The following SEMA3E variants were observed in gnomAD, a reference collection of about 807,000 sequenced individuals.
The protein encoded by SEMA3E is semaphorin 3E, also known as semaphorin-3E.
Under a neutral mutation model 93.6 loss-of-function variants are expected in SEMA3E, and 49 were observed. The ratio of observed to expected loss-of-function variants is 0.52; its 90% CI spans 0.42 to 0.66. The LOEUF is 0.66. Among genes scored for constraint, SEMA3E ranks in the 30% least tolerant of loss-of-function variants. The pLI, the probability that SEMA3E is intolerant of heterozygous loss-of-function variation, is 0.00. For synonymous variants in SEMA3E, 363 were observed against 330.7 expected (o/e 1.10, Z -1.06); for missense variants, 906 against 964.8 (o/e 0.94, Z 0.81).
chr7:83,531,712 A>C (rs1293577651), intron 1 of SEMA3E, among the ~76,000 whole-genome samples: 1 of 152,192 alleles, frequency 6.6e-6, no homozygotes, highest in Non-Finnish European at 1.5e-5. Flanking sequence ...TCATGTTTGC[A>C]TGACATTAAC....
intron 1 of SEMA3E, among the ~76,000 whole-genome samples, chr7:83,623,949 C>T (rs1376005364): frequency 6.6e-6 from 1 of 151,718 alleles, no homozygotes. Flanking sequence ...TGTTCAACTC[C>T]CACTTATGAG....
At chr7:83,531,341 CTT>C (rs144165250) in intron 1 of SEMA3E, among the ~76,000 whole-genome samples, 10 of 68,140 alleles carry the variant, frequency 1.5e-4, no homozygotes, top group East Asian at 9.3e-4. Context: ...TTGGAATATT[CTT>C]TTTTTTTTTT....
intron 4 of SEMA3E, among the ~76,000 whole-genome samples, chr7:83,438,462 A>C (rs1789047056): frequency 6.6e-6 from 1 of 152,146 alleles, no homozygotes; most frequent in African/African-American, 2.4e-5. Context: ...ATCACTTAAT[A>C]AAATACCAAG....
intron 1 of SEMA3E, among the ~76,000 whole-genome samples, chr7:83,597,769 C>A (rs1413805570): frequency 6.6e-6 from 1 of 152,100 alleles, no homozygotes; most frequent in African/African-American, 2.4e-5. Context: ...CAGTCTGGAG[C>A]CAAGTCATTG....
At chr7:83,376,419 G>T (rs1794823742) in intron 16 of SEMA3E, among the ~76,000 whole-genome samples, 1 of 151,832 alleles carries the variant, frequency 6.6e-6, no homozygotes, top group Admixed American at 6.6e-5. Context: ...ATTTTTCATT[G>T]TTTCATTTTT....
At chr7:83,421,059 C>G (rs1355252921) in intron 4 of SEMA3E, among the ~76,000 whole-genome samples, 1 of 142,166 alleles carries the variant, frequency 7.0e-6, no homozygotes, top group Admixed American at 7.0e-5. Context: ...TATTTGCCAG[C>G]TATCATCCAA....
At chr7:83,514,485 A>G (rs1284293378) in intron 1 of SEMA3E, among the ~76,000 whole-genome samples, 2 of 152,172 alleles carry the variant, frequency 1.3e-5, no homozygotes, top group Non-Finnish European at 2.9e-5. Context: ...CATTTTAAAA[A>G]GCTTTCAATA....
At chr7:83,607,538 A>ATAATATAAAAT (rs1793149584) in intron 1 of SEMA3E, among the ~76,000 whole-genome samples, 2 of 152,204 alleles carry the variant, frequency 1.3e-5, no homozygotes, top group Non-Finnish European at 2.9e-5. Flanking sequence ...AATATTTATA[A>ATAATATAAAAT]GATTCTATAC....
intron 1 of SEMA3E, among the ~76,000 whole-genome samples, chr7:83,643,130 T>A (rs959806781): frequency 9.2e-5 from 14 of 152,018 alleles, no homozygotes; most frequent in Admixed American, 9.2e-4. Context: ...GTTTGGTGCT[T>A]TATTATGTGG....
chr7:83,644,494 A>G (rs1378946434), intron 1 of SEMA3E, among the ~76,000 whole-genome samples: 1 of 151,982 alleles, frequency 6.6e-6, no homozygotes, highest in African/African-American at 2.4e-5. Flanking sequence ...AAACATTAAT[A>G]ATATAAATAG....
At chr7:83,517,250 C>G (rs745594157) in intron 1 of SEMA3E, among the ~76,000 whole-genome samples, 13 of 152,126 alleles carry the variant, frequency 8.5e-5, no homozygotes, top group Non-Finnish European at 1.8e-4. Context: ...AGACTTTGCT[C>G]TATGGCCTTT....
rs543064413 is a variant in SEMA3E at position 83,468,923 on chromosome 7, GA to G, written c.336+319del. 3.0e-4 allele frequency among the ~76,000 whole-genome samples: 44 copies of G among 148,372 alleles called. 1 individual carries two copies. Among genetic ancestry groups the G allele is most frequent in the Non-Finnish European group, 4.9e-4 (33 of 66,870 alleles). On this transcript the variant is annotated intron_variant, in intron 3 of 16. Transcript: ENST00000643230. Reference sequence around the variant, plus strand: ...CAAAGAATGTGCTTAACTGTTCCTAGAAAAAAAAAATTACCTGCAATTATTT... The same window carrying G: ...CAAAGAATGTGCTTAACTGTTCCTAGAAAAAAAAATTACCTGCAATTATTT...
At chr7:83,590,009 A>T (rs1792723052) in intron 1 of SEMA3E, among the ~76,000 whole-genome samples, 1 of 152,156 alleles carries the variant, frequency 6.6e-6, no homozygotes, top group South Asian at 2.1e-4. Flanking sequence ...ATCTGAAATT[A>T]TATGCTTTGT....
intron 1 of SEMA3E, among the ~76,000 whole-genome samples, chr7:83,501,822 C>A (rs1389106862): frequency 6.6e-6 from 1 of 152,100 alleles, no homozygotes; most frequent in Middle Eastern, 3.4e-3. Flanking sequence ...AGTTAATAAT[C>A]CATCTTATAA....
chr7:83,519,054 C>T (rs1446229928), intron 1 of SEMA3E, among the ~76,000 whole-genome samples: 2 of 151,778 alleles, frequency 1.3e-5, no homozygotes, highest in Non-Finnish European at 2.9e-5. Flanking sequence ...ATGTGCCATG[C>T]TGGTGTGCTG....
intron 1 of SEMA3E, among the ~76,000 whole-genome samples, chr7:83,537,516 A>G (rs1791431106): frequency 6.6e-6 from 1 of 152,156 alleles, no homozygotes; most frequent in African/African-American, 2.4e-5. Context: ...ATGCTTTTAT[A>G]CATTCTATAA....
intron 4 of SEMA3E, among the ~76,000 whole-genome samples, chr7:83,427,561 CTTTA>C (rs1031955113): frequency 2.0e-5 from 3 of 152,122 alleles, no homozygotes; most frequent in Non-Finnish European, 4.4e-5. Flanking sequence ...GTTTTCAAAC[CTTTA>C]TTTATTTGCT....
At chr7:83,551,694 T>C (rs1791767852) in intron 1 of SEMA3E, among the ~76,000 whole-genome samples, 1 of 152,180 alleles carries the variant, frequency 6.6e-6, no homozygotes, top group Non-Finnish European at 1.5e-5. Flanking sequence ...AGCATCATTT[T>C]CCTTAGACTT....
chr7:83,410,409 T>A (rs1788416582), intron 5 of SEMA3E, among the ~76,000 whole-genome samples: 1 of 151,988 alleles, frequency 6.6e-6, no homozygotes, highest in Non-Finnish European at 1.5e-5. Context: ...AGAGGTATGA[T>A]GTAAGGAAAA....
Sources: allele counts gnomAD v4.1 joint callset (sites outside exome capture counted in the v4.1 genomes callset), GRCh38; gene constraint gnomAD v4.1.1; transcripts MANE v1.5; gene names NCBI Gene and HGNC (gene_info 2026-07-23, HGNC 2026-07-21).